AEBP1: variants seen among roughly 807,000 people sequenced by gnomAD.
AEBP1 encodes the protein AE binding protein 1.
In AEBP1, 69 loss-of-function variants were observed where a neutral mutation model predicts 116.5. The ratio of observed to expected loss-of-function variants is 0.59; its 90% CI spans 0.49 to 0.72. The LOEUF (loss-of-function observed/expected upper bound fraction) is 0.72, where lower values mean the gene tolerates loss of function less well. Among genes scored for constraint, AEBP1 ranks in the 30% least tolerant of loss-of-function variants. AEBP1 has a pLI of 0.00. For synonymous variants in AEBP1, 627 were observed against 627.3 expected, an observed-to-expected ratio of 1.00 and a Z score of 0.01; for missense variants, 1,444 against 1,557.5, an observed-to-expected ratio of 0.93 and a Z score of 1.23.
Position 44,112,788 on chromosome 7 carries a change from C to T in AEBP1, c.2448C>T (p.Ala816=). 2 of 1,612,716 alleles carry T rather than the reference C, an allele frequency of 1.2e-6. No homozygotes were observed. The highest frequency in any genetic ancestry group is 1.7e-6 in the Non-Finnish European group (2 of 1,179,942). The part of the protein sequence containing the change: ...TPDHAIFRWL[A]ISFASAHLTL... ...ACCACGCCATCTTCCGGTGGCTTGC[C>T]ATCTCCTTCGCCTCCGCACACCTCA... The change falls in exon 18 of 21, where the codon GCC becomes GCT. Residue 816 remains alanine, a synonymous_variant. Transcript: ENST00000223357. This position sits in a 1 kb window ranked among gnomAD's most constrained non-coding sequence, Gnocchi z 6.6.
rs1172772317 is a variant in AEBP1 at position 44,108,441 on chromosome 7, C to G, written c.940+357C>G. The stretch of plus-strand genomic sequence containing the variant: ...CCACTGCCCCACTCTCTTCAGGGAG[C>G]CCGAGGGCTTTTGCCTCCCTGTTGC... On this transcript the variant is annotated intron_variant, in intron 6 of 20. Coordinates refer to ENST00000223357, the MANE Select transcript of AEBP1 (RefSeq NM_001129.5). The surrounding 1 kb of genome is among the most constrained non-coding windows in gnomAD (Gnocchi z 5.0). Among the ~76,000 whole-genome samples, 1 of 152,108 alleles carries G rather than the reference C, an allele frequency of 6.6e-6. No individual in the cohort carries two copies.
Position 44,111,847 on chromosome 7 carries a change from C to T in AEBP1, c.1841-7C>T. 1.2e-6 allele frequency: 2 copies of T among 1,611,350 alleles called. No homozygotes were observed. Among genetic ancestry groups the T allele is most frequent in the Middle Eastern group, 1.6e-4 (1 of 6,062 alleles). On this transcript the variant is annotated splice_region_variant and splice_polypyrimidine_tract_variant and intron_variant, in intron 15 of 20. Coordinates refer to ENST00000223357, the MANE Select transcript of AEBP1 (RefSeq NM_001129.5). This position sits in a 1 kb window ranked among gnomAD's most constrained non-coding sequence, Gnocchi z 4.7. Reference sequence around the variant, plus strand: ...CTGAGTGCTCACTGAGGCTCCCGCCCTTGCAGGGGAGCCCGAGTTCCGCTA... The same window carrying T: ...CTGAGTGCTCACTGAGGCTCCCGCCTTTGCAGGGGAGCCCGAGTTCCGCTA...
In AEBP1 at chr7:44,112,437, G is replaced by T; in HGVS notation, c.2217+116G>T. 7.1e-7 allele frequency: 1 copy of T among 1,399,842 alleles called. No homozygotes were observed. The highest frequency in any genetic ancestry group is 9.6e-7 in the Non-Finnish European group (1 of 1,039,738). The allele number at this position is 1,399,842 out of a possible 1,614,324, so 86.7% of individuals were successfully genotyped here. A position where few individuals can be genotyped will look rare whatever the true frequency, so the allele number is the denominator to read the frequency against. On this transcript the variant is annotated intron_variant, in intron 17 of 20. Coordinates refer to ENST00000223357, the MANE Select transcript of AEBP1 (RefSeq NM_001129.5). The surrounding 1 kb of genome is among the most constrained non-coding windows in gnomAD (Gnocchi z 6.6). ...CTGAACTCCAGACGCTGAGGCTCTG[G>T]GGGTTGGGGGACAGGGGATCGTGCG...
chr7:44,114,248 T>A lies in AEBP1; in HGVS notation c.3464T>A (p.Phe1155Tyr). Residue 1155 changes from phenylalanine (F) to tyrosine (Y), a missense_variant, in exon 21 of 21, where the codon TTT becomes TAT. Physicochemically the swap from Phe to Tyr is conservative, Grantham distance 22 (BLOSUM62 3). Coordinates refer to ENST00000223357, the MANE Select transcript of AEBP1 (RefSeq NM_001129.5). ...ACAGTAGAGACCTACACAGTGAACT[T>A]TGGGGACTTCTGAGATCAGCGTCCT... ...FTTVETYTVN[F>Y]GDF 6.2e-7 allele frequency: 1 copy of A among 1,613,628 alleles called. No individual in the cohort carries two copies. The highest frequency in any genetic ancestry group is 8.5e-7 in the Non-Finnish European group (1 of 1,179,714).
intron 1 of AEBP1, chr7:44,106,270 G>T: frequency 1.6e-6 from 1 of 624,442 alleles, no homozygotes. Flanking sequence ...GTTTTGGCAG[G>T]TGGGGGGATG....
At position 44,112,217 on chromosome 7, in the gene AEBP1, C is replaced by A; in HGVS notation, c.2113C>A (p.Leu705Ile). The A allele has an allele frequency of 1.2e-6, 2 of 1,609,794 alleles. No individual in the cohort carries two copies. Among genetic ancestry groups the A allele is most frequent in the Non-Finnish European group, 1.7e-6 (2 of 1,176,612 alleles). Residue 705 changes from leucine (L) to isoleucine (I), a missense_variant, in exon 17 of 21, where the codon CTC becomes ATC. Transcript: ENST00000223357. The surrounding 1 kb of genome is among the most constrained non-coding windows in gnomAD (Gnocchi z 6.6). ...GFDIFEDFPDLNSVLWGAEER... is the reference protein window; with the variant it reads ...GFDIFEDFPDINSVLWGAEER... ...TGACATCTTTGAAGATTTCCCGGAT[C>A]TCAACTCTGTGCTCTGGGGAGCTGA...
chr7:44,111,740 C>T lies in AEBP1; in HGVS notation c.1840+110C>T. 5 of 1,542,636 alleles carry T rather than the reference C, an allele frequency of 3.2e-6. No homozygotes were observed. The highest frequency in any genetic ancestry group is 2.3e-5 in the East Asian group (1 of 43,050). ...GGGATTCTGGCTTGTCTTACAGGGC[C>T]CTAGGAGCCCCAGCTGTCCCCCAGA... is the stretch of plus-strand genomic sequence containing the variant. On this transcript the variant is annotated intron_variant, in intron 15 of 20. Coordinates refer to ENST00000223357, the MANE Select transcript of AEBP1 (RefSeq NM_001129.5). The surrounding 1 kb of genome is among the most constrained non-coding windows in gnomAD (Gnocchi z 4.7).
Position 44,108,185 on chromosome 7 carries a change from C to G in AEBP1, c.940+101C>G, listed in dbSNP as rs911866709. ...CTGGGGCAACTCACCCACCTTGCAACCCCACCTGTGCCCGTGGTTACCTCG... is the reference window on the plus strand; with the variant it reads ...CTGGGGCAACTCACCCACCTTGCAAGCCCACCTGTGCCCGTGGTTACCTCG... On this transcript the variant is annotated intron_variant, in intron 6 of 20. Transcript: ENST00000223357. This position sits in a 1 kb window ranked among gnomAD's most constrained non-coding sequence, Gnocchi z 5.0. 8.4e-7 allele frequency: 1 copy of G among 1,185,328 alleles called. No homozygotes were observed. Among genetic ancestry groups the G allele is most frequent in the Non-Finnish European group, 1.2e-6 (1 of 826,722 alleles). 73.4% of individuals were successfully genotyped at this position (1,185,328 alleles called of 1,614,324 possible). A position where few individuals can be genotyped will look rare whatever the true frequency, so the allele number is the denominator to read the frequency against.
Position 44,110,484 on chromosome 7 carries a change from C to T in AEBP1, c.1400+138C>T, listed in dbSNP as rs141790711. 133 of 1,304,232 alleles carry T rather than the reference C, an allele frequency of 1.0e-4. No homozygotes were observed. The African/African-American group carries it at 1.6e-3, about 16-fold the overall frequency. The allele number at this position is 1,304,232 out of a possible 1,614,324, so 80.8% of individuals were successfully genotyped here. On this transcript the variant is annotated intron_variant, in intron 11 of 20. Coordinates refer to ENST00000223357, the MANE Select transcript of AEBP1 (RefSeq NM_001129.5). The stretch of plus-strand genomic sequence containing the variant: ...CCAAAAAGATCAGTGAGGGACTCAC[C>T]CTGCCCATCCCCACTCCTCAGCCTG...
intron 9 of AEBP1, 67 bp downstream of exon 9, chr7:44,109,408 G>T (rs1162090148): frequency 3.9e-5 from 57 of 1,445,462 alleles, no homozygotes; most frequent in Non-Finnish European, 4.9e-5. Flanking sequence ...CAAGTGACTG[G>T]CCCAATGTCA....
In AEBP1 at chr7:44,108,811, G is replaced by A. The variant is rs1562685687; in HGVS notation, c.941-88G>A. 7.8e-7 allele frequency: 1 copy of A among 1,284,442 alleles called. No homozygotes were observed. The highest frequency in any genetic ancestry group is 1.1e-6 in the Non-Finnish European group (1 of 910,076). The allele number at this position is 1,284,442 out of a possible 1,614,324, so 79.6% of individuals were successfully genotyped here. Reference sequence around the variant, plus strand: ...TCCCGTCCTCCTCCCCTCTGGCGCGGTCCTGTCCTGCTGAGCTCCTGTGGA... The same window carrying A: ...TCCCGTCCTCCTCCCCTCTGGCGCGATCCTGTCCTGCTGAGCTCCTGTGGA... On this transcript the variant is annotated intron_variant, in intron 6 of 20. Transcript: ENST00000223357. The surrounding 1 kb of genome is among the most constrained non-coding windows in gnomAD (Gnocchi z 5.0).
chr7:44,104,784 G>A lies in AEBP1; in HGVS notation c.119G>A (p.Gly40Asp). ...GACGAGATCGAGGAGTTCCTCGAGGGCTTCCTGTCAGAGCTAGAACCTGAG... is the reference window on the plus strand; with the variant it reads ...GACGAGATCGAGGAGTTCCTCGAGGACTTCCTGTCAGAGCTAGAACCTGAG... ...TDDEIEEFLE[G>D]FLSELEPEPR... The change falls in exon 1 of 21, where the codon GGC (glycine) becomes GAC (aspartate). Residue 40 changes from glycine to aspartate, a missense_variant. Transcript: ENST00000223357. The A allele has an allele frequency of 6.2e-7, 1 of 1,611,248 alleles. No homozygotes were observed. Among genetic ancestry groups the A allele is most frequent in the Non-Finnish European group, 8.5e-7 (1 of 1,179,388 alleles).
In AEBP1 at chr7:44,113,931, G is replaced by C. The variant is rs202072841; in HGVS notation, c.3147G>C (p.Val1049=). 1 of 1,613,532 alleles carries C rather than the reference G, an allele frequency of 6.2e-7. No individual in the cohort carries two copies. Among genetic ancestry groups the C allele is most frequent in the East Asian group, 2.2e-5 (1 of 44,862 alleles). Residue 1049 remains valine (V), a synonymous_variant, in exon 21 of 21, where the codon GTG becomes GTC. Coordinates refer to ENST00000223357, the MANE Select transcript of AEBP1 (RefSeq NM_001129.5). The surrounding 1 kb of genome is among the most constrained non-coding windows in gnomAD (Gnocchi z 5.3). ...CCACCACCCTAGGCCCCCACACTGT[G>C]CCTCCCACGCTGCCCCCTGCCCCTG... ...NATTTLGPHT[V]PPTLPPAPAT... is the part of the protein sequence containing the mutation.
rs979119030 is a variant in AEBP1 at position 44,108,161 on chromosome 7, T to G, written c.940+77T>G. Reference sequence around the variant, plus strand: ...GGCTGGGGTGTGGTCAGGAGCCAGCTGGGGCAACTCACCCACCTTGCAACC... The same window carrying G: ...GGCTGGGGTGTGGTCAGGAGCCAGCGGGGGCAACTCACCCACCTTGCAACC... On this transcript the variant is annotated intron_variant, in intron 6 of 20. Transcript: ENST00000223357. The surrounding 1 kb of genome is among the most constrained non-coding windows in gnomAD (Gnocchi z 5.0). 105 of 1,420,976 alleles carry G rather than the reference T, an allele frequency of 7.4e-5. No individual in the cohort carries two copies. Among genetic ancestry groups the G allele is most frequent in the Admixed American group, 1.2e-4 (6 of 49,708 alleles). 88.0% of individuals were successfully genotyped at this position (1,420,976 alleles called of 1,614,324 possible). A position where few individuals can be genotyped will look rare whatever the true frequency, so the allele number is the denominator to read the frequency against.
Position 44,107,726 on chromosome 7 carries a change from C to G in AEBP1, c.739+26C>G. ...GTGAGTAGGGTCCTGCCAGCCCCAC[C>G]TGGGTCGGACCCCTGGCCTGGGGGA... On this transcript the variant is annotated intron_variant, in intron 4 of 20. Coordinates refer to ENST00000223357, the MANE Select transcript of AEBP1 (RefSeq NM_001129.5). This position sits in a 1 kb window ranked among gnomAD's most constrained non-coding sequence, Gnocchi z 4.3. 2.5e-6 allele frequency: 4 copies of G among 1,613,344 alleles called. No homozygotes were observed. Among genetic ancestry groups the G allele is most frequent in the Non-Finnish European group, 3.4e-6 (4 of 1,179,920 alleles).
chr7:44,107,392 C>CA lies in AEBP1; in HGVS notation c.596-46dup, dbSNP rs781535641. On this transcript the variant is annotated intron_variant, in intron 2 of 20. Coordinates refer to ENST00000223357, the MANE Select transcript of AEBP1 (RefSeq NM_001129.5). This position sits in a 1 kb window ranked among gnomAD's most constrained non-coding sequence, Gnocchi z 4.3. ...GGTGGCCTGAGGCTCCCAAGGTGGT[C>CA]AGAGCAGGCCTCCCGCCCACCTGCT... is the stretch of plus-strand genomic sequence containing the variant. The CA allele has an allele frequency of 6.2e-5, 99 of 1,592,882 alleles. No individual in the cohort carries two copies. Among genetic ancestry groups the CA allele is most frequent in the Non-Finnish European group, 8.3e-5 (96 of 1,162,214 alleles).
chr7:44,112,342 A>C lies in AEBP1; in HGVS notation c.2217+21A>C, dbSNP rs760545036. 4 of 1,528,282 alleles carry C rather than the reference A, an allele frequency of 2.6e-6. No individual in the cohort carries two copies. The Admixed American group carries it at 8.3e-5, about 32-fold the overall frequency. The allele number at this position is 1,528,282 out of a possible 1,614,324, so 94.7% of individuals were successfully genotyped here. ...CCACGGTGAGGCTACAGCCTGGCTGAAAGGGCAGGAGGGAGCAGCTGGACC... is the reference window on the plus strand; with the variant it reads ...CCACGGTGAGGCTACAGCCTGGCTGCAAGGGCAGGAGGGAGCAGCTGGACC... On this transcript the variant is annotated intron_variant, in intron 17 of 20. Transcript: ENST00000223357. The surrounding 1 kb of genome is among the most constrained non-coding windows in gnomAD (Gnocchi z 6.6).
At position 44,114,229 on chromosome 7, in the gene AEBP1, G is replaced by A. The variant is rs1299740500; in HGVS notation, c.3445G>A (p.Glu1149Lys). The change falls in exon 21 of 21, where the codon GAG becomes AAG. Residue 1149 changes from glutamate to lysine, a missense_variant. Coordinates refer to ENST00000223357, the MANE Select transcript of AEBP1 (RefSeq NM_001129.5). ...TGQAFPFTTVETYTVNFGDF is the reference protein window; with the variant it reads ...TGQAFPFTTVKTYTVNFGDF ...CCAGGCATTCCCCTTCACAACAGTA[G>A]AGACCTACACAGTGAACTTTGGGGA... 3 of 1,614,150 alleles carry A rather than the reference G, an allele frequency of 1.9e-6. No homozygotes were observed. The South Asian group carries it at 3.3e-5, about 18-fold the overall frequency.
Position 44,104,577 on chromosome 7 carries a change from C to G in AEBP1, c.-89C>G, listed in dbSNP as rs929350764. The G allele has an allele frequency of 5.9e-6, 5 of 852,272 alleles. No individual in the cohort carries two copies. The Admixed American group carries it at 1.5e-4, about 25-fold the overall frequency. 52.8% of individuals were successfully genotyped at this position (852,272 alleles called of 1,614,324 possible). ...CCGCCCCTTCCTGGATTCCCTCACC[C>G]GTCTCGATCCCCTCTCCGCCCTTTC... is the stretch of plus-strand genomic sequence containing the variant. On this transcript the variant is annotated 5_prime_UTR_variant, in exon 1 of 21. Coordinates refer to ENST00000223357, the MANE Select transcript of AEBP1 (RefSeq NM_001129.5).
Sources: gnomAD v4.1 joint callset for allele counts (sites outside exome capture counted in the v4.1 genomes callset) on GRCh38, gnomAD v4.1.1 for gene constraint, Gnocchi (gnomAD v3.1) non-coding constraint, MANE v1.5 for transcripts, NCBI Gene and HGNC (gene_info 2026-07-23, HGNC 2026-07-21) for gene names.